The following ADK variants were observed in gnomAD, a reference collection of about 807,000 sequenced individuals.
ADK encodes adenosine kinase.
In ADK, 24 loss-of-function variants were observed where a neutral mutation model predicts 44.7. The ratio of observed to expected loss-of-function variants is 0.54; its 90% confidence interval spans 0.39 to 0.76. ADK has a LOEUF of 0.76. ADK is among the 30% of genes least tolerant of loss of function. ADK has a pLI of 0.00. For synonymous variants in ADK, 128 were observed against 142.6 expected (o/e 0.90, Z 0.73); for missense variants, 321 against 425.1 (o/e 0.76, Z 2.15).
intron 9 of ADK, among the ~76,000 whole-genome samples, chr10:74,617,524 G>T (rs1184625182): frequency 6.6e-6 from 1 of 151,892 alleles, no homozygotes; most frequent in African/African-American, 2.4e-5. Context: ...TTTCACCTTT[G>T]CATTCTTGGA....
At chr10:74,468,049 T>G (rs1453168613) in intron 6 of ADK, among the ~76,000 whole-genome samples, 2 of 152,180 alleles carry the variant, frequency 1.3e-5, no homozygotes, top group African/African-American at 2.4e-5. Flanking sequence ...AGTACAACTG[T>G]ACTTCTCTTC....
chr10:74,189,086 A>G (rs1189938435), intron 1 of ADK, among the ~76,000 whole-genome samples: 1 of 152,096 alleles, frequency 6.6e-6, no homozygotes, highest in African/African-American at 2.4e-5. Context: ...TTTCTTTGCT[A>G]ACCCCTAGTA....
At chr10:74,227,824 CA>C (rs2132254730) in intron 3 of ADK, among the ~76,000 whole-genome samples, 1 of 152,026 alleles carries the variant, frequency 6.6e-6, no homozygotes, top group South Asian at 2.1e-4. Flanking sequence ...GCCTGGGTGA[CA>C]GGGCGAGACT....
chr10:74,398,027 C>T (rs1427456101), intron 5 of ADK, among the ~76,000 whole-genome samples: 1 of 152,132 alleles, frequency 6.6e-6, no homozygotes, highest in African/African-American at 2.4e-5. Context: ...GAAATTAATT[C>T]CATATTTGGC....
chr10:74,598,660 A>G (rs780961201), intron 8 of ADK, among the ~76,000 whole-genome samples: 1 of 152,050 alleles, frequency 6.6e-6, no homozygotes, highest in Non-Finnish European at 1.5e-5. Flanking sequence ...CATGTTAGCC[A>G]GGATGGTCTT....
intron 7 of ADK, among the ~76,000 whole-genome samples, chr10:74,540,868 T>C (rs914871399): frequency 6.6e-6 from 1 of 152,176 alleles, no homozygotes; most frequent in African/African-American, 2.4e-5. Context: ...TTAGAAAACC[T>C]GTCTTTTATC....
At chr10:74,159,275 G>A (rs1288618276) in intron 1 of ADK, among the ~76,000 whole-genome samples, 2 of 152,174 alleles carry the variant, frequency 1.3e-5, no homozygotes, top group South Asian at 2.1e-4. Context: ...TAGCAATTAT[G>A]TAAGAAATTC....
intron 3 of ADK, among the ~76,000 whole-genome samples, chr10:74,259,610 C>A (rs1399116634): frequency 6.6e-6 from 1 of 151,898 alleles, no homozygotes; most frequent in Non-Finnish European, 1.5e-5. Context: ...GCACCCGCCA[C>A]CATGCCTGGC....
chr10:74,220,246 A>G (rs906256929), intron 2 of ADK, among the ~76,000 whole-genome samples: 1 of 152,216 alleles, frequency 6.6e-6, no homozygotes, highest in Non-Finnish European at 1.5e-5. Context: ...AAATACCTCT[A>G]CGCAAATAAA....
At chr10:74,274,050 CTAAA>C (rs1410006285) in intron 3 of ADK, among the ~76,000 whole-genome samples, 3 of 151,912 alleles carry the variant, frequency 2.0e-5, no homozygotes, top group Non-Finnish European at 4.4e-5. Flanking sequence ...CAAGATCAAA[CTAAA>C]TACACTTGGC....
intron 3 of ADK, among the ~76,000 whole-genome samples, chr10:74,233,536 T>C (rs1006120617): frequency 3.9e-4 from 60 of 152,328 alleles, no homozygotes; most frequent in Admixed American, 2.3e-3. Context: ...TTGCATCCCC[T>C]AAATTTTTTG....
chr10:74,589,527 A>T (rs1162194777), intron 8 of ADK, among the ~76,000 whole-genome samples: 1 of 152,126 alleles, frequency 6.6e-6, no homozygotes, highest in Non-Finnish European at 1.5e-5. Flanking sequence ...CATCGCCTAC[A>T]GATGTTATTT....
chr10:74,321,663 A>G (rs893836328), intron 4 of ADK, among the ~76,000 whole-genome samples: 1 of 152,120 alleles, frequency 6.6e-6, no homozygotes. Context: ...ATAAGCCTCC[A>G]TATTTGTATT....
chr10:74,527,243 C>T (rs1849082764), intron 7 of ADK, among the ~76,000 whole-genome samples: 1 of 152,050 alleles, frequency 6.6e-6, no homozygotes, highest in Non-Finnish European at 1.5e-5. Context: ...TGCCTGTAGT[C>T]CCAGCTACTC....
intron 6 of ADK, among the ~76,000 whole-genome samples, chr10:74,480,022 T>C (rs1003602365): frequency 6.6e-6 from 1 of 152,154 alleles, no homozygotes; most frequent in African/African-American, 2.4e-5. Flanking sequence ...TATCTTCTAA[T>C]ACATTTCTCA....
chr10:74,357,921 A>C (rs1842200900), intron 4 of ADK, among the ~76,000 whole-genome samples: 1 of 152,184 alleles, frequency 6.6e-6, no homozygotes, highest in African/African-American at 2.4e-5. Context: ...ATATACATAC[A>C]TATTTCAGAA....
Position 74,315,173 on chromosome 10 carries a change from C to T in ADK, c.273+428C>T, listed in dbSNP as rs1272809838. On this transcript the variant is annotated intron_variant, in intron 4 of 10. Transcript: ENST00000539909. ...TTTCAAAGTTTTTAACGTAATTAAA[C>T]TTTATGGCTTCTTCATTTCCTGCAT... is the stretch of plus-strand genomic sequence containing the variant. Among the ~76,000 whole-genome samples the T allele has an allele frequency of 3.3e-5, 5 of 152,160 alleles. No individual in the cohort carries two copies. The East Asian group carries it at 5.8e-4, about 18-fold the overall frequency.
intron 9 of ADK, chr10:74,654,821 GA>G (rs11354070): frequency 0.49 from 67,342 of 136,620 alleles, 17,937 homozygotes; most frequent in East Asian, 0.8. Context: ...TGTCTCAATA[GA>G]AAAAAAAAAA....
At chr10:74,697,216 G>C (rs144439048) in intron 10 of ADK, among the ~76,000 whole-genome samples, 1 of 152,100 alleles carries the variant, frequency 6.6e-6, no homozygotes, top group Non-Finnish European at 1.5e-5. Context: ...CAATTTCAGC[G>C]TAATATATAC....
Sources: gnomAD v4.1 joint callset for allele counts (sites outside exome capture counted in the v4.1 genomes callset) on GRCh38, gnomAD v4.1.1 for gene constraint, MANE v1.5 for transcripts, NCBI Gene and HGNC (gene_info 2026-07-23, HGNC 2026-07-21) for gene names.